Variants in GLP1R observed in about 807,000 individuals in gnomAD.
GLP1R encodes glucagon like peptide 1 receptor.
Under a neutral mutation model 68.4 loss-of-function variants are expected in GLP1R, and 32 were observed. The ratio of observed to expected loss-of-function variants is 0.47; its 90% CI spans 0.35 to 0.63. The LOEUF (loss-of-function observed/expected upper bound fraction) is 0.63. Among genes scored for constraint, GLP1R ranks in the 20% least tolerant of loss-of-function variants. GLP1R has a pLI of 0.00. For synonymous variants in GLP1R, 263 were observed against 244.4 expected (o/e 1.08, Z -0.71); for missense variants, 502 against 594.9 (o/e 0.84, Z 1.62).
At position 39,084,355 on chromosome 6, in the gene GLP1R, G is replaced by T. The variant is rs1362640546; in HGVS notation, c.1225-1551G>T. 2.0e-5 allele frequency among the ~76,000 whole-genome samples: 3 copies of T among 152,208 alleles called. No homozygotes were observed. In the East Asian group the frequency reaches 5.8e-4, roughly 29 times the overall value. ...TACAGGGGTCACAGCAGAGGTTCAG[G>T]AAAAGTGCTGAAGGAGATGGGGGCA... On this transcript the variant is annotated intron_variant, in intron 12 of 12. Transcript: ENST00000373256.
chr6:39,071,895 A>T (rs895435567), intron 5 of GLP1R, among the ~76,000 whole-genome samples: 4 of 152,162 alleles, frequency 2.6e-5, no homozygotes, highest in African/African-American at 9.7e-5. Context: ...TGTGAATGTG[A>T]TGTATCTATC....
Position 39,079,151 on chromosome 6 carries a change from G to T in GLP1R, c.994G>T (p.Val332Leu). The change falls in exon 10 of 13, where the codon GTA becomes TTA. Residue 332 changes from valine (V) to leucine (L), a missense_variant. By Grantham distance (32) the Val-to-Leu change is conservative. Transcript: ENST00000373256. This position sits in a 1 kb window ranked among gnomAD's most constrained non-coding sequence, Gnocchi z 4.5. The stretch of plus-strand genomic sequence containing the variant: ...CTTTGTTCGGGTCATCTGCATCGTG[G>T]TATCCAAACTGAAGGCCAATCTCAT... ...LIFVRVICIV[V>L]SKLKANLMCK... The T allele has an allele frequency of 6.2e-7, 1 of 1,614,094 alleles. No individual in the cohort carries two copies. The highest frequency in any genetic ancestry group is 2.2e-5 in the East Asian group (1 of 44,882).
chr6:39,064,413 C>T (rs1768443239), intron 3 of GLP1R, among the ~76,000 whole-genome samples: 1 of 152,172 alleles, frequency 6.6e-6, no homozygotes, highest in African/African-American at 2.4e-5. Flanking sequence ...CTCCTTCCTC[C>T]CACAGCTGGG....
chr6:39,062,145 G>A (rs1487788324), intron 3 of GLP1R, among the ~76,000 whole-genome samples: 1 of 152,230 alleles, frequency 6.6e-6, no homozygotes, highest in Non-Finnish European at 1.5e-5. Context: ...AGGCGCCGCA[G>A]CAGCTTCCGG....
At chr6:39,070,015 A>G (rs1768615804) in intron 5 of GLP1R, among the ~76,000 whole-genome samples, 1 of 152,146 alleles carries the variant, frequency 6.6e-6, no homozygotes. Context: ...CATGATGGGG[A>G]AGGAGTGAAC....
chr6:39,072,377 G>T (rs1768692965), intron 5 of GLP1R, among the ~76,000 whole-genome samples: 1 of 152,170 alleles, frequency 6.6e-6, no homozygotes, highest in Non-Finnish European at 1.5e-5. Flanking sequence ...CCTTCATTAG[G>T]TTAAGAAATG....
At chr6:39,050,695 A>C (rs1457706968) in intron 1 of GLP1R, among the ~76,000 whole-genome samples, 1 of 152,214 alleles carries the variant, frequency 6.6e-6, no homozygotes, top group African/African-American at 2.4e-5. Context: ...ATGACACAAC[A>C]TCATGCGTGC....
At chr6:39,085,869 C>A in intron 12 of GLP1R, 37 bp from the exon 13 acceptor site, 3 of 1,604,708 alleles carry the variant, frequency 1.9e-6, no homozygotes, top group Non-Finnish European at 2.6e-6. Flanking sequence ...CATTGGTTTG[C>A]ATGATGGCTT....
At position 39,053,106 on chromosome 6, in the gene GLP1R, C is replaced by T. The variant is rs1473135676; in HGVS notation, c.79-3291C>T. ...AGTCTTGATTCTAGAAACTGCCATC[C>T]TGCCCTTCCCATGGCCCTTTAGACC... On this transcript the variant is annotated intron_variant, in intron 1 of 12. Coordinates refer to ENST00000373256, the MANE Select transcript of GLP1R (RefSeq NM_002062.5). Among the ~76,000 whole-genome samples the T allele has an allele frequency of 3.9e-5, 6 of 152,334 alleles. 1 individual carries two copies. In the East Asian group the frequency reaches 1.2e-3, roughly 29 times the overall value.
Position 39,049,693 on chromosome 6 carries a change from C to A in GLP1R, c.78+775C>A, listed in dbSNP as rs1355271218. 6.6e-6 allele frequency among the ~76,000 whole-genome samples: 1 copy of A among 152,196 alleles called. No homozygotes were observed. The highest frequency in any genetic ancestry group is 1.5e-5 in the Non-Finnish European group (1 of 68,038). ...GGCATACTGGGACACGCAAGAACACCTGGGCTCCTTGGTGCCACCAGAGAG... is the reference window on the plus strand; with the variant it reads ...GGCATACTGGGACACGCAAGAACACATGGGCTCCTTGGTGCCACCAGAGAG... On this transcript the variant is annotated intron_variant, in intron 1 of 12. Transcript: ENST00000373256. The surrounding 1 kb of genome is among the most constrained non-coding windows in gnomAD (Gnocchi z 4.5).
intron 1 of GLP1R, among the ~76,000 whole-genome samples, chr6:39,053,175 T>C (rs543422089): frequency 1.4e-4 from 21 of 152,310 alleles, no homozygotes; most frequent in Admixed American, 1.2e-3. Context: ...TCTGCTGCCT[T>C]GTGAGGGACA....
intron 7 of GLP1R, among the ~76,000 whole-genome samples, chr6:39,075,842 G>A (rs1371927810): frequency 6.6e-6 from 1 of 152,220 alleles, no homozygotes; most frequent in Non-Finnish European, 1.5e-5. Flanking sequence ...GCAGTTGGGG[G>A]CCTGTAGAAA....
Position 39,073,019 on chromosome 6 carries a change from T to C in GLP1R, c.663+4T>C, listed in dbSNP as rs915521203. The C allele has an allele frequency of 6.2e-7, 1 of 1,613,404 alleles. No homozygotes were observed. Among genetic ancestry groups the C allele is most frequent in the Non-Finnish European group, 8.5e-7 (1 of 1,179,690 alleles). ...GGATGGGCTCCTCTCCTACCAGGTG[T>C]GTGGTGCATCCAGGACCGCCTCAGG... On this transcript the variant is annotated splice_donor_region_variant and intron_variant, in intron 6 of 12. Transcript: ENST00000373256.
chr6:39,073,448 T>G (rs1483145493), intron 6 of GLP1R, among the ~76,000 whole-genome samples, 162 bp from the exon 7 acceptor site: 2 of 152,188 alleles, frequency 1.3e-5, no homozygotes, highest in Admixed American at 6.5e-5. Context: ...TTCAATGAGC[T>G]AAAGCAGATA....
At chr6:39,080,312 G>T (rs1768964515) in intron 11 of GLP1R, among the ~76,000 whole-genome samples, 1 of 152,170 alleles carries the variant, frequency 6.6e-6, no homozygotes, top group Non-Finnish European at 1.5e-5. Context: ...AACAGATGGG[G>T]CTGGAGTGGG....
rs1186585153 is a variant in GLP1R, at chr6:39,079,084, C to T, written c.955-28C>T. Reference sequence around the variant, plus strand: ...CTATGATAGGGCTGGGCTGGTGCCCCCTGCCAATCCCCGGCCCCACCCCGC... The same window carrying T: ...CTATGATAGGGCTGGGCTGGTGCCCTCTGCCAATCCCCGGCCCCACCCCGC... On this transcript the variant is annotated intron_variant, in intron 9 of 12. Transcript: ENST00000373256. This position sits in a 1 kb window ranked among gnomAD's most constrained non-coding sequence, Gnocchi z 4.5. 13 of 1,608,092 alleles carry T rather than the reference C, an allele frequency of 8.1e-6. No homozygotes were observed. The highest frequency in any genetic ancestry group is 2.7e-5 in the African/African-American group (2 of 74,788).
At chr6:39,065,404 G>A (rs910165) in intron 3 of GLP1R, among the ~76,000 whole-genome samples, 67,262 of 152,088 alleles carry the variant, frequency 0.44, 15,521 homozygotes, top group Admixed American at 0.5. Flanking sequence ...CATCTCAAAG[G>A]CATGAATTCA....
chr6:39,070,994 T>G (rs1486651058), intron 5 of GLP1R, among the ~76,000 whole-genome samples: 1 of 152,158 alleles, frequency 6.6e-6, no homozygotes, highest in Non-Finnish European at 1.5e-5. Context: ...TTAATTTTAT[T>G]GATTGCTTTA....
rs374281194 is a variant in GLP1R at position 39,079,114 on chromosome 6, G to A, written c.957G>A (p.Val319=). 7 of 1,614,064 alleles carry A rather than the reference G, an allele frequency of 4.3e-6. No individual in the cohort carries two copies. In the South Asian group the frequency reaches 6.6e-5, roughly 15 times the overall value. ...IRLPILFAIG[V]NFLIFVRVIC... The stretch of plus-strand genomic sequence containing the variant: ...CAATCCCCGGCCCCACCCCGCAGGT[G>A]AACTTCCTCATCTTTGTTCGGGTCA... Residue 319 remains valine (V), a splice_region_variant and synonymous_variant, in exon 10 of 13, where the codon GTG becomes GTA. Transcript: ENST00000373256. This position sits in a 1 kb window ranked among gnomAD's most constrained non-coding sequence, Gnocchi z 4.5.
Sources: gnomAD v4.1 joint callset for allele counts (sites outside exome capture counted in the v4.1 genomes callset) on GRCh38, gnomAD v4.1.1 for gene constraint, Gnocchi (gnomAD v3.1) non-coding constraint, MANE v1.5 for transcripts, NCBI Gene and HGNC (gene_info 2026-07-23, HGNC 2026-07-21) for gene names.